Variants in MACROD2 observed in about 807,000 individuals in gnomAD.
The protein encoded by MACROD2 is ADP-ribose glycohydrolase MACROD2.
In MACROD2, 36 loss-of-function variants were observed where a neutral mutation model predicts 70.4. The observed-to-expected ratio is 0.51, with a 90% CI of 0.39 to 0.68. MACROD2 has a LOEUF of 0.68. Among genes scored for constraint, MACROD2 ranks in the 30% least tolerant of loss-of-function variants. The pLI is 0.00. For synonymous variants in MACROD2, 172 were observed against 178.8 expected (o/e 0.96, Z 0.30); for missense variants, 496 against 538.4 (o/e 0.92, Z 0.78).
At chr20:15,978,372 T>C (rs889397671) in intron 13 of MACROD2, among the ~76,000 whole-genome samples, 2 of 152,180 alleles carry the variant, frequency 1.3e-5, no homozygotes, top group Admixed American at 1.3e-4. Context: ...GGGGAGGTCA[T>C]GAGAAACGTG....
chr20:15,245,365 A>G (rs1296475256), intron 6 of MACROD2, among the ~76,000 whole-genome samples: 2 of 152,190 alleles, frequency 1.3e-5, no homozygotes, highest in African/African-American at 4.8e-5. Flanking sequence ...GGATGCTGTT[A>G]TGGCACTCAA....
intron 6 of MACROD2, among the ~76,000 whole-genome samples, chr20:15,345,657 G>A (rs948296056): frequency 2.0e-5 from 3 of 152,200 alleles, no homozygotes; most frequent in Admixed American, 1.3e-4. Context: ...TGGCTAACGC[G>A]ACTGAGGAAT....
chr20:15,308,495 A>G (rs1193856856), intron 6 of MACROD2, among the ~76,000 whole-genome samples: 1 of 152,166 alleles, frequency 6.6e-6, no homozygotes, highest in Non-Finnish European at 1.5e-5. Context: ...ATAGTTCTTA[A>G]CATACTGTTA....
At chr20:15,740,842 C>A (rs1448768578) in intron 8 of MACROD2, among the ~76,000 whole-genome samples, 1 of 151,976 alleles carries the variant, frequency 6.6e-6, no homozygotes, top group Non-Finnish European at 1.5e-5. Context: ...CCCGTTAGCT[C>A]AACCTTCAAA....
chr20:14,180,999 A>T (rs2081300757), intron 3 of MACROD2, among the ~76,000 whole-genome samples: 1 of 151,852 alleles, frequency 6.6e-6, no homozygotes. Context: ...AAGATTGCTT[A>T]TCTTTCTATT....
chr20:15,478,933 G>A (rs562755442), intron 7 of MACROD2, among the ~76,000 whole-genome samples: 1 of 152,104 alleles, frequency 6.6e-6, no homozygotes, highest in Non-Finnish European at 1.5e-5. Context: ...TCTAAGACTG[G>A]CTCATCAAGG....
At chr20:15,996,867 T>A (rs552956840) in intron 15 of MACROD2, among the ~76,000 whole-genome samples, 2 of 152,314 alleles carry the variant, frequency 1.3e-5, no homozygotes, top group East Asian at 3.9e-4. Flanking sequence ...CTATTTCAAG[T>A]TAATTTCTGT....
intron 5 of MACROD2, among the ~76,000 whole-genome samples, chr20:14,715,375 G>A (rs542463305): frequency 1.7e-4 from 26 of 152,236 alleles, no homozygotes; most frequent in African/African-American, 6.3e-4. Context: ...CATATCAGAT[G>A]TTATAAAAAT....
intron 5 of MACROD2, among the ~76,000 whole-genome samples, chr20:14,714,082 G>A (rs972689272): frequency 2.6e-5 from 4 of 152,122 alleles, no homozygotes; most frequent in Non-Finnish European, 4.4e-5. Context: ...TAGATAGGAA[G>A]TGGAAAAGCA....
intron 5 of MACROD2, among the ~76,000 whole-genome samples, chr20:15,206,229 C>A (rs748089066): frequency 7.9e-5 from 12 of 151,898 alleles, no homozygotes; most frequent in Non-Finnish European, 1.6e-4. Context: ...AATCAAGAAG[C>A]AAATATGGAT....
rs572243541 is a variant in MACROD2 at position 14,485,840 on chromosome 20, A to G, written c.272-7639A>G. ...GTATTATTTTATATTTTATATAAAT[A>G]TAATTTATTATACTTACATGTTTTA... On this transcript the variant is annotated intron_variant, in intron 3 of 17. Transcript: ENST00000684519. Among the ~76,000 whole-genome samples the G allele has an allele frequency of 4.0e-5, 6 of 151,632 alleles. No individual in the cohort carries two copies. In the East Asian group the frequency reaches 9.7e-4, roughly 24 times the overall value.
intron 6 of MACROD2, among the ~76,000 whole-genome samples, chr20:15,278,984 T>C (rs975910136): frequency 6.6e-6 from 1 of 152,190 alleles, no homozygotes; most frequent in Non-Finnish European, 1.5e-5. Context: ...GACTATTCCA[T>C]TTCTGTGCAC....
rs1600615237 is a variant in MACROD2, at chr20:15,575,368, G to A, written c.645+75521G>A. 2.0e-5 allele frequency among the ~76,000 whole-genome samples: 3 copies of A among 152,218 alleles called. No homozygotes were observed. The Middle Eastern group carries it at 0.01, about 518-fold the overall frequency. ...GGTGAAGGAAGGCAAACATTTACCA[G>A]CAGAATGAATGAATACCATGAATGA... On this transcript the variant is annotated intron_variant, in intron 8 of 17. Coordinates refer to ENST00000684519, the MANE Select transcript of MACROD2 (RefSeq NM_001351661.2).
In MACROD2 at chr20:14,886,204, C is replaced by G. The variant is rs115351107; in HGVS notation, c.418+201245C>G. ...TCAAGGCTTGATTGAAGTGAGGGGT[C>G]TAGCTATGAGGCTGTCTGGGAGAAT... On this transcript the variant is annotated intron_variant, in intron 5 of 17. Transcript: ENST00000684519. Among the ~76,000 whole-genome samples the G allele has an allele frequency of 8.9e-3, 1,352 of 152,182 alleles. 22 individuals carry two copies. The highest frequency in any genetic ancestry group is 0.031 in the African/African-American group (1,285 of 41,512).
chr20:14,233,698 C>CAAAAAAAAAAA (rs1261096475), intron 3 of MACROD2, among the ~76,000 whole-genome samples: 5 of 27,442 alleles, frequency 1.8e-4, no homozygotes, highest in Non-Finnish European at 2.8e-4. Flanking sequence ...CTCCGTCTCA[C>CAAAAAAAAAAA]AAAAAAAAAA....
Position 14,209,430 on chromosome 20 carries a change from C to CAA in MACROD2, c.271+123703_271+123704dup, listed in dbSNP as rs376734996. On this transcript the variant is annotated intron_variant, in intron 3 of 17. Coordinates refer to ENST00000684519, the MANE Select transcript of MACROD2 (RefSeq NM_001351661.2). ...TTTTCATGATTTCACCAACAAATAG[C>CAA]AAGCCCTCTCTCTAAGAAATGTCAA... 6.5e-3 allele frequency among the ~76,000 whole-genome samples: 983 copies of CAA among 152,128 alleles called. 8 individuals are homozygous for CAA. The highest frequency in any genetic ancestry group is 0.022 in the African/African-American group (917 of 41,496).
At chr20:14,310,875 A>G (rs1425155626) in intron 3 of MACROD2, among the ~76,000 whole-genome samples, 3 of 151,954 alleles carry the variant, frequency 2.0e-5, no homozygotes, top group Non-Finnish European at 4.4e-5. Flanking sequence ...TTTTTTTTTA[A>G]ATAGAAAAAA....
chr20:15,829,373 G>A (rs2064030565), intron 8 of MACROD2, among the ~76,000 whole-genome samples: 2 of 152,220 alleles, frequency 1.3e-5, no homozygotes, highest in South Asian at 4.1e-4. Context: ...CCAGTTGATG[G>A]TTTAATTAGC....
At chr20:15,344,713 C>T (rs986421) in intron 6 of MACROD2, among the ~76,000 whole-genome samples, 93,403 of 151,916 alleles carry the variant, frequency 0.61, 28,798 homozygotes, top group East Asian at 0.74. Flanking sequence ...CATGGCCCTG[C>T]CTTTTCACAC....
Sources: allele counts gnomAD v4.1 joint callset (sites outside exome capture counted in the v4.1 genomes callset), GRCh38; gene constraint gnomAD v4.1.1; transcripts MANE v1.5; gene names NCBI Gene and HGNC (gene_info 2026-07-23, HGNC 2026-07-21).